Variants in ZNF521 observed in about 807,000 individuals in gnomAD.
ZNF521 encodes zinc finger protein 521.
In ZNF521, 14 loss-of-function variants were observed where a neutral mutation model predicts 105.5. That is an observed-to-expected ratio of 0.13 (90% CI 0.09 to 0.21). The LOEUF is 0.21. Among genes scored for constraint, ZNF521 ranks in the 10% least tolerant of loss-of-function variants. ZNF521 has a pLI of 1.00. For missense variants in ZNF521, 1,233 were observed against 1,629.7 expected (o/e 0.76, Z 4.19); for synonymous variants, 635 against 606.0 (o/e 1.05, Z -0.70).
At chr18:25,258,708 G>A (rs1600223839) in intron 3 of ZNF521, among the ~76,000 whole-genome samples, 1 of 152,020 alleles carries the variant, frequency 6.6e-6, no homozygotes, top group South Asian at 2.1e-4. Context: ...GGATCTTTCT[G>A]AAGAAAATAA....
rs10540123 is a variant in ZNF521, at chr18:25,062,752, CAAAAAAAAAAAAAAAAAAAA to C, written c.3907-31_3907-12del. On this transcript the variant is annotated splice_polypyrimidine_tract_variant and intron_variant, in intron 7 of 7. Transcript: ENST00000361524. ...GGTCATTGTATGATTCTGTAAATAA[CAAAAAAAAAAAAAAAAAAAA>C]AAAAAAAAAAAAAGAGAAGAGAGGG... 6 of 359,472 alleles carry C rather than the reference CAAAAAAAAAAAAAAAAAAAA, an allele frequency of 1.7e-5. No individual in the cohort carries two copies. The highest frequency in any genetic ancestry group is 4.7e-5 in the East Asian group (1 of 21,418). The allele number at this position is 359,472 out of a possible 1,614,324, so 22.3% of individuals were successfully genotyped here.
chr18:25,334,719 C>T (rs975887436), intron 2 of ZNF521, among the ~76,000 whole-genome samples: 1 of 152,272 alleles, frequency 6.6e-6, no homozygotes, highest in East Asian at 1.9e-4. Flanking sequence ...TTCTTCTCTA[C>T]ACAAAAAGGC....
At chr18:25,145,767 CA>C (rs2034930978) in intron 5 of ZNF521, among the ~76,000 whole-genome samples, 1 of 152,190 alleles carries the variant, frequency 6.6e-6, no homozygotes, top group African/African-American at 2.4e-5. Flanking sequence ...CCTTCAGAAA[CA>C]AAAACAGCAT....
chr18:25,190,259 A>T (rs1020156185), intron 5 of ZNF521, among the ~76,000 whole-genome samples: 25 of 151,996 alleles, frequency 1.6e-4, no homozygotes, highest in African/African-American at 4.8e-4. Flanking sequence ...GATTTTTTTT[A>T]AAAAAGGGTT....
intron 7 of ZNF521, among the ~76,000 whole-genome samples, chr18:25,079,151 G>T (rs1020875074): frequency 6.6e-6 from 1 of 152,226 alleles, no homozygotes; most frequent in Non-Finnish European, 1.5e-5. Flanking sequence ...ATGGCAGATG[G>T]CGCCAGTGCG....
At chr18:25,335,328 C>T (rs909074959) in intron 2 of ZNF521, among the ~76,000 whole-genome samples, 1 of 152,150 alleles carries the variant, frequency 6.6e-6, no homozygotes, top group Non-Finnish European at 1.5e-5. Flanking sequence ...AACTTAAGGT[C>T]TTTGGGTCTT....
At chr18:25,324,923 T>A (rs1445472260) in intron 2 of ZNF521, among the ~76,000 whole-genome samples, 2 of 152,226 alleles carry the variant, frequency 1.3e-5, no homozygotes, top group Non-Finnish European at 2.9e-5. Context: ...AGGGTCATTT[T>A]AAGACTAATA....
chr18:25,177,075 T>C (rs2144578599), intron 5 of ZNF521, among the ~76,000 whole-genome samples: 1 of 152,120 alleles, frequency 6.6e-6, no homozygotes, highest in Admixed American at 6.6e-5. Flanking sequence ...CTAAATTTCA[T>C]GTCACTTTCA....
At chr18:25,076,683 A>G (rs2033370296) in intron 7 of ZNF521, among the ~76,000 whole-genome samples, 1 of 152,194 alleles carries the variant, frequency 6.6e-6, no homozygotes, top group Non-Finnish European at 1.5e-5. Flanking sequence ...GGAGTTGGCA[A>G]TTGCATGATG....
chr18:25,230,611 C>A (rs531092155), intron 3 of ZNF521, among the ~76,000 whole-genome samples: 52 of 151,932 alleles, frequency 3.4e-4, no homozygotes, highest in African/African-American at 1.2e-3. Context: ...GTAGAAGATT[C>A]TTTCAACTCA....
rs1283438661 is a variant in ZNF521 at position 25,312,532 on chromosome 18, G to GTAACTGCATGGAAGAACTTGGTGGGAGC, written c.220+9475_220+9476insGCTCCCACCAAGTTCTTCCATGCAGTTA. Among the ~76,000 whole-genome samples, 367 of 40,070 alleles carry GTAACTGCATGGAAGAACTTGGTGGGAGC rather than the reference G, an allele frequency of 9.2e-3. 33 individuals carry two copies. The highest frequency in any genetic ancestry group is 0.012 in the Non-Finnish European group (200 of 17,294). 26.3% of individuals were successfully genotyped at this position (40,070 alleles called of 152,430 possible). A position where few individuals can be genotyped will look rare whatever the true frequency, so the allele number is the denominator to read the frequency against. Reference sequence around the variant, plus strand: ...CCTATGGTTCAGAAGTTGGAACCAGGCCGGGCGCGGTGGCTCACGCCTGTA... The same window carrying GTAACTGCATGGAAGAACTTGGTGGGAGC: ...CCTATGGTTCAGAAGTTGGAACCAGGTAACTGCATGGAAGAACTTGGTGGGAGCCCGGGCGCGGTGGCTCACGCCTGTA... On this transcript the variant is annotated intron_variant, in intron 3 of 7. Transcript: ENST00000361524.
At chr18:25,085,157 A>G (rs561697419) in intron 7 of ZNF521, among the ~76,000 whole-genome samples, 1 of 152,008 alleles carries the variant, frequency 6.6e-6, no homozygotes, top group East Asian at 1.9e-4. Context: ...AATTTCTTGC[A>G]AAAATGGAGG....
intron 7 of ZNF521, chr18:25,082,798 T>A (rs2033526726): frequency 1.1e-5 from 2 of 182,870 alleles, no homozygotes; most frequent in South Asian, 1.2e-4. Context: ...GCCAAGATGG[T>A]GCCATTGCAC....
chr18:25,347,936 G>C (rs1366188152), intron 2 of ZNF521, among the ~76,000 whole-genome samples: 2 of 152,200 alleles, frequency 1.3e-5, no homozygotes, highest in Admixed American at 1.3e-4. Flanking sequence ...TGGAAATTCA[G>C]TGCAGAACTT....
intron 5 of ZNF521, among the ~76,000 whole-genome samples, chr18:25,121,649 G>A (rs921091098): frequency 6.6e-6 from 1 of 152,110 alleles, no homozygotes; most frequent in Non-Finnish European, 1.5e-5. Context: ...CACCACTGGA[G>A]GGGGACAGTG....
At chr18:25,144,849 G>C (rs374884764) in intron 5 of ZNF521, among the ~76,000 whole-genome samples, 1 of 152,146 alleles carries the variant, frequency 6.6e-6, no homozygotes, top group Admixed American at 6.6e-5. Flanking sequence ...AAAGGCTAAA[G>C]ATCTATTGTC....
rs113728201 is a variant in ZNF521 at position 25,246,673 on chromosome 18, T to C, written c.221-18976A>G. Reference sequence around the variant, plus strand: ...CTTTCTGGTGAATTTTCCAGTCTTATCTGTGGGTTTGCTAACATTGCTAAT... The same window carrying C: ...CTTTCTGGTGAATTTTCCAGTCTTACCTGTGGGTTTGCTAACATTGCTAAT... On this transcript the variant is annotated intron_variant, in intron 3 of 7. Transcript: ENST00000361524. Among the ~76,000 whole-genome samples, 358 of 152,336 alleles carry C rather than the reference T, an allele frequency of 2.4e-3. 1 individual carries two copies. The highest frequency in any genetic ancestry group is 7.8e-3 in the African/African-American group (325 of 41,586).
chr18:25,304,795 A>G (rs1335089926), intron 3 of ZNF521, among the ~76,000 whole-genome samples: 1 of 152,168 alleles, frequency 6.6e-6, no homozygotes, highest in East Asian at 1.9e-4. Flanking sequence ...TACCATCCAT[A>G]TTAGCCATTC....
chr18:25,134,100 G>A (rs1304715876), intron 5 of ZNF521, among the ~76,000 whole-genome samples: 1 of 151,980 alleles, frequency 6.6e-6, no homozygotes, highest in Non-Finnish European at 1.5e-5. Context: ...TACTGCTGGC[G>A]GCCTATAAAC....
Sources: allele counts gnomAD v4.1 joint callset (sites outside exome capture counted in the v4.1 genomes callset), GRCh38; gene constraint gnomAD v4.1.1; transcripts MANE v1.5; gene names NCBI Gene and HGNC (gene_info 2026-07-23, HGNC 2026-07-21).